ZFYVE9: variants seen among roughly 807,000 people sequenced by gnomAD.
ZFYVE9 encodes zinc finger FYVE domain-containing protein 9.
In ZFYVE9, 43 loss-of-function variants were observed where a neutral mutation model predicts 126.7. The observed-to-expected ratio is 0.34, with a 90% CI of 0.27 to 0.44. ZFYVE9 has a LOEUF of 0.44. Ranked by LOEUF, ZFYVE9 falls within the 20% of genes least tolerant of loss-of-function variation. The pLI, the probability that ZFYVE9 is intolerant of heterozygous loss-of-function variation, is 1.00. For synonymous variants in ZFYVE9, 521 were observed against 597.4 expected (o/e 0.87, Z 1.87); for missense variants, 1,476 against 1,697.0 (o/e 0.87, Z 2.29).
chr1:52,231,923 G>C (rs1572119334), intron 2 of ZFYVE9, among the ~76,000 whole-genome samples: 2 of 152,140 alleles, frequency 1.3e-5, no homozygotes, highest in African/African-American at 4.8e-5. Flanking sequence ...CACGACGCCT[G>C]GCCGGGAAAT....
intron 17 of ZFYVE9, among the ~76,000 whole-genome samples, chr1:52,342,415 G>T (rs1332836053): frequency 5.3e-5 from 8 of 151,422 alleles, no homozygotes; most frequent in Non-Finnish European, 1.5e-5. Context: ...ACAGGCGCCC[G>T]CTACCACGCC....
chr1:52,303,857 C>A lies in ZFYVE9; in HGVS notation c.3370C>A (p.Gln1124Lys), dbSNP rs1646057626. 6.3e-7 allele frequency: 1 copy of A among 1,598,442 alleles called. No homozygotes were observed. Among genetic ancestry groups the A allele is most frequent in the African/African-American group, 1.3e-5 (1 of 74,288 alleles). Residue 1124 changes from glutamine (Q) to lysine (K), a missense_variant, in exon 13 of 19, where the codon CAA (glutamine) becomes AAA (lysine). Physicochemically the swap from Gln to Lys is moderately conservative, Grantham distance 53. Transcript: ENST00000287727. ...TTACCAGTATACCTTGCCAGTAGTT[C>A]AAGGTTTGGTGGTTGATATGGAAGT... Reference protein sequence around the residue: ...RNYQYTLPVVQGLVVDMEVRK... With the variant: ...RNYQYTLPVVKGLVVDMEVRK...
chr1:52,145,914 C>T (rs892068216), intron 1 of ZFYVE9, among the ~76,000 whole-genome samples: 6 of 151,810 alleles, frequency 4.0e-5, no homozygotes, highest in African/African-American at 1.5e-4. Flanking sequence ...CAGAGTTTTA[C>T]ATTGATCTTT....
chr1:52,342,513 G>A (rs958126993), intron 17 of ZFYVE9, among the ~76,000 whole-genome samples: 14 of 144,846 alleles, frequency 9.7e-5, no homozygotes, highest in Non-Finnish European at 1.9e-4. Context: ...CTCGCAATCC[G>A]CCCGTCTTGG....
intron 13 of ZFYVE9, among the ~76,000 whole-genome samples, chr1:52,330,099 C>T (rs1349242974): frequency 1.3e-5 from 2 of 152,106 alleles, no homozygotes; most frequent in Non-Finnish European, 1.5e-5. Flanking sequence ...AATGGGCAGG[C>T]CAGGTGCGAT....
At chr1:52,170,070 C>T (rs944399971) in intron 1 of ZFYVE9, among the ~76,000 whole-genome samples, 7 of 152,114 alleles carry the variant, frequency 4.6e-5, no homozygotes, top group African/African-American at 1.7e-4. Context: ...AAAATTCTTC[C>T]TATCTTCATT....
In ZFYVE9 at chr1:52,268,492, T is replaced by C. The variant is rs1645655019; in HGVS notation, c.2485T>C (p.Trp829Arg). ...TCAGCCCAGAGAGCAGAGGCGAGTT[T>C]GGTTTGCTGATGGGATCTTGCCCAA... The part of the protein sequence containing the change: ...VAQPREQRRV[W>R]FADGILPNGE... Residue 829 changes from tryptophan to arginine, a missense_variant, in exon 7 of 19, where the codon TGG (tryptophan) becomes CGG (arginine). Physicochemically the swap from Trp to Arg is moderately radical, Grantham distance 101. Around this residue, in one of 2 missense-constraint regions of ZFYVE9, gnomAD observed 669 missense variants for 902.4 expected, o/e 0.74. Coordinates refer to ENST00000287727, the MANE Select transcript of ZFYVE9 (RefSeq NM_004799.4). 6.2e-7 allele frequency: 1 copy of C among 1,614,126 alleles called. No homozygotes were observed. Among genetic ancestry groups the C allele is most frequent in the Non-Finnish European group, 8.5e-7 (1 of 1,179,996 alleles).
At chr1:52,296,121 G>A (rs1645971843) in intron 12 of ZFYVE9, 144 bp downstream of exon 12, 1 of 547,488 alleles carries the variant, frequency 1.8e-6, no homozygotes. Flanking sequence ...AACAGTATAT[G>A]TATGTGTATA....
At chr1:52,333,800 A>G (rs1036830641) in intron 14 of ZFYVE9, among the ~76,000 whole-genome samples, 3 of 150,114 alleles carry the variant, frequency 2.0e-5, no homozygotes. Context: ...TTAAAAAAAA[A>G]AAAAAAAAAG....
chr1:52,299,797 C>G (rs1342033790), intron 12 of ZFYVE9, among the ~76,000 whole-genome samples: 1 of 152,182 alleles, frequency 6.6e-6, no homozygotes, highest in East Asian at 1.9e-4. Flanking sequence ...CAATTGGCCC[C>G]CAGGCAGGAT....
intron 9 of ZFYVE9, among the ~76,000 whole-genome samples, chr1:52,279,531 T>C (rs891833088): frequency 6.6e-6 from 1 of 152,200 alleles, no homozygotes; most frequent in Admixed American, 6.5e-5. Flanking sequence ...TGGCATGATC[T>C]CTGTTCATTG....
intron 1 of ZFYVE9, among the ~76,000 whole-genome samples, chr1:52,147,136 G>A (rs968432768): frequency 2.6e-5 from 4 of 152,144 alleles, no homozygotes; most frequent in Admixed American, 6.5e-5. Context: ...TTAGACTTGC[G>A]TCAGAATTCT....
At chr1:52,319,838 T>C (rs1028976392) in intron 13 of ZFYVE9, among the ~76,000 whole-genome samples, 4 of 149,296 alleles carry the variant, frequency 2.7e-5, no homozygotes, top group East Asian at 2.0e-4. Flanking sequence ...CATGGTGAAA[T>C]CCCATCTCTA....
chr1:52,159,712 A>T (rs182900761), intron 1 of ZFYVE9, among the ~76,000 whole-genome samples: 16 of 152,352 alleles, frequency 1.1e-4, no homozygotes, highest in African/African-American at 3.6e-4. Flanking sequence ...TATTTCATAA[A>T]GGTTGATATA....
chr1:52,231,347 G>T lies in ZFYVE9; in HGVS notation c.-36-1824G>T, dbSNP rs796567272. Among the ~76,000 whole-genome samples, 20 of 151,996 alleles carry T rather than the reference G, an allele frequency of 1.3e-4. No individual in the cohort carries two copies. The South Asian group carries it at 4.2e-3, about 32-fold the overall frequency. On this transcript the variant is annotated intron_variant, in intron 2 of 18. Coordinates refer to ENST00000287727, the MANE Select transcript of ZFYVE9 (RefSeq NM_004799.4). ...AGCCTGGCCAACATGGTGAAACCCTGTCTCTACTAAAAATACAAAAATTAG... is the reference window on the plus strand; with the variant it reads ...AGCCTGGCCAACATGGTGAAACCCTTTCTCTACTAAAAATACAAAAATTAG...
At chr1:52,173,583 G>A (rs964566970) in intron 1 of ZFYVE9, among the ~76,000 whole-genome samples, 1 of 152,168 alleles carries the variant, frequency 6.6e-6, no homozygotes, top group Non-Finnish European at 1.5e-5. Flanking sequence ...AATGGTACCA[G>A]TTCCTCCTTG....
At chr1:52,221,492 CAGTAAGCCATCTCTCTGCCTTCTGATTA>C (rs1279111760) in intron 2 of ZFYVE9, among the ~76,000 whole-genome samples, 1 of 152,164 alleles carries the variant, frequency 6.6e-6, no homozygotes, top group Non-Finnish European at 1.5e-5. Flanking sequence ...ATTCTTGAGT[CAGTAAGCCATCTCTCTGCCTTCTGATTA>C]AGAATAGTTC....
intron 1 of ZFYVE9, among the ~76,000 whole-genome samples, chr1:52,153,885 C>T (rs1448901460): frequency 1.3e-5 from 2 of 152,120 alleles, no homozygotes; most frequent in African/African-American, 4.8e-5. Context: ...GTTCTCAGAC[C>T]CATGTATTCT....
chr1:52,207,989 GAGAGGTTATCTTGCTCA>G (rs1644993308), intron 1 of ZFYVE9, among the ~76,000 whole-genome samples: 1 of 152,188 alleles, frequency 6.6e-6, no homozygotes, highest in East Asian at 1.9e-4. Flanking sequence ...CTGAGATTCA[GAGAGGTTATCTTGCTCA>G]AAGTAGCAAC....
Sources: gnomAD v4.1 joint callset for allele counts (sites outside exome capture counted in the v4.1 genomes callset) on GRCh38, gnomAD v4.1.1 for gene constraint, gnomAD v4.1.1 regional missense constraint, MANE v1.5 for transcripts, NCBI Gene and HGNC (gene_info 2026-07-23, HGNC 2026-07-21) for gene names.